GLIS3: variants seen among roughly 807,000 people sequenced by gnomAD.
The protein encoded by GLIS3 is GLIS family zinc finger 3.
Under a neutral mutation model 78.6 loss-of-function variants are expected in GLIS3, and 53 were observed. The observed-to-expected ratio is 0.67, with a 90% CI of 0.54 to 0.85. The LOEUF (loss-of-function observed/expected upper bound fraction) is 0.85, where lower values mean the gene tolerates loss of function less well. Among genes scored for constraint, GLIS3 ranks in the 40% least tolerant of loss-of-function variants. GLIS3 has a pLI of 0.00. For synonymous variants in GLIS3, 684 were observed against 509.9 expected (o/e 1.34, Z -4.60); for missense variants, 1,703 against 1,231.1 (o/e 1.38, Z -5.74).
the GLIS3 span, among the ~76,000 whole-genome samples, chr9:4,404,357 T>C: frequency 6.6e-6 from 1 of 152,116 alleles, no homozygotes; most frequent in East Asian, 1.9e-4. Context: ...AAATCTGCGC[T>C]ATGGAACAAA....
intron 5 of GLIS3, among the ~76,000 whole-genome samples, chr9:3,935,345 C>A (rs929081349): frequency 6.6e-6 from 1 of 150,812 alleles, no homozygotes; most frequent in Non-Finnish European, 1.5e-5. Flanking sequence ...ATAATTTTTC[C>A]AAAAAAAATA....
intron 6 of GLIS3, among the ~76,000 whole-genome samples, chr9:3,919,554 C>T (rs919165782): frequency 1.3e-5 from 2 of 150,662 alleles, no homozygotes; most frequent in African/African-American, 4.9e-5. Context: ...ACCCGGGCAA[C>T]AAAATAATCT....
At chr9:4,266,904 T>C (rs1168944883) in intron 2 of GLIS3, among the ~76,000 whole-genome samples, 5 of 152,166 alleles carry the variant, frequency 3.3e-5, no homozygotes, top group African/African-American at 4.8e-5. Context: ...TTGAAATCCA[T>C]TTTGACTCTA....
the GLIS3 span, among the ~76,000 whole-genome samples, chr9:4,471,285 C>G: frequency 1.3e-5 from 2 of 152,152 alleles, no homozygotes; most frequent in African/African-American, 4.8e-5. Flanking sequence ...CAAAAAAGAG[C>G]CCGCATTGCC....
chr9:4,092,887 G>A (rs914445653), intron 4 of GLIS3, among the ~76,000 whole-genome samples: 3 of 152,130 alleles, frequency 2.0e-5, no homozygotes, highest in African/African-American at 7.2e-5. Context: ...AACTATATGT[G>A]CTTTATTTTT....
intron 4 of GLIS3, among the ~76,000 whole-genome samples, chr9:4,116,613 G>C (rs1004261521): frequency 6.6e-6 from 1 of 152,146 alleles, no homozygotes; most frequent in African/African-American, 2.4e-5. Context: ...ACATGAATAA[G>C]AAACCTTGGC....
At chr9:4,023,089 T>C (rs1189180021) in intron 4 of GLIS3, among the ~76,000 whole-genome samples, 1 of 152,190 alleles carries the variant, frequency 6.6e-6, no homozygotes, top group African/African-American at 2.4e-5. Flanking sequence ...TCAACATATT[T>C]GAAAACAAAT....
chr9:3,976,016 T>C lies in GLIS3; in HGVS notation c.1711-38827A>G, dbSNP rs1818757768. ...ATCAGGTCCTGGCGGGCCATATGTG[T>C]ATTTATAAATATATCTGCTAATGTA... is the stretch of plus-strand genomic sequence containing the variant. On this transcript the variant is annotated intron_variant, in intron 4 of 10. Coordinates refer to ENST00000381971, the MANE Select transcript of GLIS3 (RefSeq NM_001042413.2). 2.0e-5 allele frequency among the ~76,000 whole-genome samples: 3 copies of C among 152,170 alleles called. No homozygotes were observed. The South Asian group carries it at 6.2e-4, about 32-fold the overall frequency.
chr9:4,414,217 A>T, the GLIS3 span, among the ~76,000 whole-genome samples: 2 of 152,220 alleles, frequency 1.3e-5, no homozygotes, highest in South Asian at 4.1e-4. Flanking sequence ...AGCCCAGTTC[A>T]GAAAAATGTA....
At chr9:4,427,337 C>A in the GLIS3 span, among the ~76,000 whole-genome samples, 2 of 152,142 alleles carry the variant, frequency 1.3e-5, no homozygotes, top group Non-Finnish European at 2.9e-5. Context: ...ATGACACAGA[C>A]ATTTATTTAG....
chr9:4,364,946 G>T, the GLIS3 span, among the ~76,000 whole-genome samples: 2 of 151,138 alleles, frequency 1.3e-5, no homozygotes. Context: ...ACTGCACCTG[G>T]CATTTGTTGC....
intron 4 of GLIS3, among the ~76,000 whole-genome samples, chr9:3,956,722 T>C (rs1817136617): frequency 6.6e-6 from 1 of 152,232 alleles, no homozygotes; most frequent in South Asian, 2.1e-4. Context: ...ACTCCTTCCA[T>C]GTGCCAACTT....
chr9:4,020,152 AAG>A (rs1209794738), intron 4 of GLIS3, among the ~76,000 whole-genome samples: 2 of 152,122 alleles, frequency 1.3e-5, no homozygotes, highest in African/African-American at 4.8e-5. Context: ...GTAACAGGAG[AAG>A]AGAGTTCAAA....
At chr9:4,427,428 C>T in the GLIS3 span, among the ~76,000 whole-genome samples, 4 of 152,158 alleles carry the variant, frequency 2.6e-5, no homozygotes, top group African/African-American at 9.7e-5. Context: ...CAACTTCCAT[C>T]TGACATCAAA....
At chr9:3,866,220 T>C (rs1820570914) in intron 8 of GLIS3, among the ~76,000 whole-genome samples, 1 of 152,220 alleles carries the variant, frequency 6.6e-6, no homozygotes, top group South Asian at 2.1e-4. Flanking sequence ...TGACATAGTC[T>C]CTGTGCTCAG....
intron 2 of GLIS3, among the ~76,000 whole-genome samples, chr9:4,216,327 G>C (rs909861806): frequency 2.0e-5 from 3 of 151,888 alleles, no homozygotes; most frequent in South Asian, 2.1e-4. Context: ...AAAAAAATTA[G>C]CCGGGCGTGG....
chr9:4,084,731 G>A (rs1236638523), intron 4 of GLIS3, among the ~76,000 whole-genome samples: 1 of 152,120 alleles, frequency 6.6e-6, no homozygotes, highest in Non-Finnish European at 1.5e-5. Flanking sequence ...TGCGCTTCAA[G>A]CTCCGAGCTC....
At chr9:4,179,658 C>G (rs988539629) in intron 2 of GLIS3, among the ~76,000 whole-genome samples, 6 of 152,152 alleles carry the variant, frequency 3.9e-5, no homozygotes, top group African/African-American at 1.2e-4. Flanking sequence ...GCTTGTAATC[C>G]TAGCACTTTG....
Position 4,202,069 on chromosome 9 carries a change from C to T in GLIS3, c.389-76128G>A, listed in dbSNP as rs144233476. Among the ~76,000 whole-genome samples, 532 of 151,694 alleles carry T rather than the reference C, an allele frequency of 3.5e-3. 1 individual carries two copies. The highest frequency in any genetic ancestry group is 6.0e-3 in the Non-Finnish European group (405 of 67,956). ...AGGAAAACTGCTTGAACCCGGGAGA[C>T]GGAGGTTGCAGTGAGCCAAGGTCAC... On this transcript the variant is annotated intron_variant, in intron 2 of 10. Transcript: ENST00000381971.
Sources: allele counts gnomAD v4.1 joint callset (sites outside exome capture counted in the v4.1 genomes callset), GRCh38; gene constraint gnomAD v4.1.1; transcripts MANE v1.5; gene names NCBI Gene and HGNC (gene_info 2026-07-23, HGNC 2026-07-21).